The following FLRT3 variants were observed in gnomAD, a reference collection of about 807,000 sequenced individuals.
FLRT3 encodes the protein fibronectin leucine rich transmembrane protein 3, also known as leucine-rich repeat transmembrane protein FLRT3.
In FLRT3, 17 loss-of-function variants were observed where a neutral mutation model predicts 42.6. The ratio of observed to expected loss-of-function variants is 0.40; its 90% CI spans 0.27 to 0.60. The LOEUF is 0.60. Among genes scored for constraint, FLRT3 ranks in the 20% least tolerant of loss-of-function variants. FLRT3 has a pLI of 0.44. For synonymous variants in FLRT3, 279 were observed against 286.4 expected (o/e 0.97, Z 0.26); for missense variants, 635 against 789.2 (o/e 0.80, Z 2.34).
At chr20:14,332,491 T>C (rs1449309087) in intron 1 of FLRT3, among the ~76,000 whole-genome samples, 2 of 152,142 alleles carry the variant, frequency 1.3e-5, no homozygotes, top group African/African-American at 2.4e-5. Flanking sequence ...TGAAGCTGTA[T>C]AATAGTAGTG....
intron 1 of FLRT3, among the ~76,000 whole-genome samples, chr20:14,332,888 G>A (rs2082870409): frequency 6.6e-6 from 1 of 152,070 alleles, no homozygotes; most frequent in South Asian, 2.1e-4. Flanking sequence ...AGCTCAACCT[G>A]TGAATGCTAA....
rs1378618324 is a variant in FLRT3 at position 14,335,247 on chromosome 20, GTC to G, written c.-247+2155_-247+2156del. 2.6e-5 allele frequency among the ~76,000 whole-genome samples: 4 copies of G among 152,236 alleles called. No homozygotes were observed. The East Asian group carries it at 7.7e-4, about 29-fold the overall frequency. On this transcript the variant is annotated intron_variant, in intron 1 of 2. Coordinates refer to ENST00000341420, the MANE Select transcript of FLRT3 (RefSeq NM_198391.3). ...CTAGAGAGACTGAGTGTTCATTAGG[GTC>G]TTGTGTCCCTAGGCAGGAGATGCTG...
chr20:14,327,270 C>T lies in FLRT3; in HGVS notation c.237G>A (p.Leu79=), dbSNP rs1187940544. 1.2e-6 allele frequency: 2 copies of T among 1,613,752 alleles called. No homozygotes were observed. The highest frequency in any genetic ancestry group is 1.7e-6 in the Non-Finnish European group (2 of 1,179,764). The part of the protein sequence containing the change: ...QINNAGIPSD[L]KNLLKVERIY... Reference sequence around the variant, plus strand: ...TTCTTTCTACTTTCAGCAAGTTTTTCAAATCTGAAGGAATCCCAGCATTAT... The same window carrying T: ...TTCTTTCTACTTTCAGCAAGTTTTTTAAATCTGAAGGAATCCCAGCATTAT... The change falls in exon 3 of 3, where the codon TTG becomes TTA. Residue 79 remains leucine, a synonymous_variant. Coordinates refer to ENST00000341420, the MANE Select transcript of FLRT3 (RefSeq NM_198391.3).
Position 14,326,045 on chromosome 20 carries a change from A to G in FLRT3, c.1462T>C (p.Tyr488His), listed in dbSNP as rs1601480896. Residue 488 changes from tyrosine to histidine, a missense_variant, in exon 3 of 3, where the codon TAC (tyrosine) becomes CAC (histidine). By Grantham distance (83) the Tyr-to-His change is moderately conservative (BLOSUM62 2). Transcript: ENST00000341420. The surrounding 1 kb of genome is among the most constrained non-coding windows in gnomAD (Gnocchi z 5.5). ...CMVPMETSNL[Y>H]LFDETPVCIE... The stretch of plus-strand genomic sequence containing the variant: ...CAAACAGGAGTTTCATCAAATAGGT[A>G]GAGGTTGCTGGTTTCCATGGGAACC... The G allele has an allele frequency of 6.2e-7, 1 of 1,613,952 alleles. No homozygotes were observed. Among genetic ancestry groups the G allele is most frequent in the Non-Finnish European group, 8.5e-7 (1 of 1,179,890 alleles).
At chr20:14,332,949 C>G (rs929278158) in intron 1 of FLRT3, among the ~76,000 whole-genome samples, 4 of 152,032 alleles carry the variant, frequency 2.6e-5, no homozygotes, top group Non-Finnish European at 5.9e-5. Flanking sequence ...TACGGTTAAA[C>G]TGAAAAACTG....
At chr20:14,334,315 A>T (rs988934808) in intron 1 of FLRT3, among the ~76,000 whole-genome samples, 7 of 152,192 alleles carry the variant, frequency 4.6e-5, no homozygotes, top group Non-Finnish European at 2.9e-5. Flanking sequence ...TGAAATGTGT[A>T]TACCTATTTT....
intron 1 of FLRT3, among the ~76,000 whole-genome samples, chr20:14,332,755 C>T (rs1305219861): frequency 6.6e-6 from 1 of 151,962 alleles, no homozygotes; most frequent in Non-Finnish European, 1.5e-5. Flanking sequence ...CTAAAGAAAA[C>T]ACATGCCTAA....
intron 1 of FLRT3, among the ~76,000 whole-genome samples, chr20:14,331,566 A>G (rs1244555379): frequency 6.6e-6 from 1 of 151,978 alleles, no homozygotes; most frequent in Non-Finnish European, 1.5e-5. Flanking sequence ...AGAGAAGGAT[A>G]CTCTTTCGGA....
Position 14,325,398 on chromosome 20 carries a change from A to T in FLRT3, c.*159T>A. On this transcript the variant is annotated 3_prime_UTR_variant, in exon 3 of 3. Transcript: ENST00000341420. ...CAGTAACCTGAAATTTGAAACTTTT[A>T]ATAAAAAGTTCTTAAATATAAATTA... is the stretch of plus-strand genomic sequence containing the variant. 1 of 663,738 alleles carries T rather than the reference A, an allele frequency of 1.5e-6. No individual in the cohort carries two copies. The highest frequency in any genetic ancestry group is 2.3e-6 in the Non-Finnish European group (1 of 431,920). 41.1% of individuals were successfully genotyped at this position (663,738 alleles called of 1,614,324 possible). A position where few individuals can be genotyped will look rare whatever the true frequency, so the allele number is the denominator to read the frequency against.
intron 1 of FLRT3, among the ~76,000 whole-genome samples, chr20:14,334,243 A>C (rs550702964): frequency 6.6e-6 from 1 of 152,296 alleles, no homozygotes; most frequent in African/African-American, 2.4e-5. Context: ...ACTGTCTTTT[A>C]GTGTGATGTT....
At chr20:14,330,459 A>G (rs545770851) in intron 1 of FLRT3, among the ~76,000 whole-genome samples, 79 of 152,214 alleles carry the variant, frequency 5.2e-4, no homozygotes, top group South Asian at 1.7e-3. Flanking sequence ...CAACAAGTAT[A>G]GCATCTGTTC....
Position 14,323,618 on chromosome 20 carries a change from T to G in FLRT3, c.*1939A>C, listed in dbSNP as rs2122558480. On this transcript the variant is annotated 3_prime_UTR_variant, in exon 3 of 3. Transcript: ENST00000341420. ...AACCCTATAATCATGTCTTGGTCTT[T>G]TCAATGATCAGACTTTATCTTGAAG... is the stretch of plus-strand genomic sequence containing the variant. The G allele has an allele frequency of 6.6e-6, 1 of 152,296 alleles. No homozygotes were observed. Among genetic ancestry groups the G allele is most frequent in the South Asian group, 2.1e-4 (1 of 4,824 alleles). The allele number at this position is 152,296 out of a possible 1,614,324, so 9.4% of individuals were successfully genotyped here.
rs1266779543 is a variant in FLRT3, at chr20:14,323,168, G to A, written c.*2389C>T. ...CTGGAAATTGTGTCATATCCCACAG[G>A]TTGAGGGCTTATTCCCACAAAACTG... On this transcript the variant is annotated 3_prime_UTR_variant, in exon 3 of 3. Coordinates refer to ENST00000341420, the MANE Select transcript of FLRT3 (RefSeq NM_198391.3). 1 of 151,466 alleles carries A rather than the reference G, an allele frequency of 6.6e-6. No homozygotes were observed. Among genetic ancestry groups the A allele is most frequent in the African/African-American group, 2.5e-5 (1 of 40,788 alleles). The allele number at this position is 151,466 out of a possible 1,614,324, so 9.4% of individuals were successfully genotyped here. A position where few individuals can be genotyped will look rare whatever the true frequency, so the allele number is the denominator to read the frequency against.
rs1024836796 is a variant in FLRT3 at position 14,324,247 on chromosome 20, C to T, written c.*1310G>A. On this transcript the variant is annotated 3_prime_UTR_variant, in exon 3 of 3. Transcript: ENST00000341420. ...ATGTAGCGTTGGATCAAGGCACATA[C>T]AAGACTGGCCAAAGGGCGTACAATG... is the stretch of plus-strand genomic sequence containing the variant. 1 of 150,926 alleles carries T rather than the reference C, an allele frequency of 6.6e-6. No individual in the cohort carries two copies. Among genetic ancestry groups the T allele is most frequent in the African/African-American group, 2.5e-5 (1 of 40,784 alleles). The allele number at this position is 150,926 out of a possible 1,614,324, so 9.3% of individuals were successfully genotyped here.
At chr20:14,328,631 A>G (rs1032790837) in intron 2 of FLRT3, among the ~76,000 whole-genome samples, 1 of 152,066 alleles carries the variant, frequency 6.6e-6, no homozygotes, top group African/African-American at 2.4e-5. Flanking sequence ...CAATGCACAT[A>G]TATTATTTTC....
At position 14,326,235 on chromosome 20, in the gene FLRT3, A is replaced by G. The variant is rs568735001; in HGVS notation, c.1272T>C (p.His424=). 6.2e-7 allele frequency: 1 copy of G among 1,613,896 alleles called. No homozygotes were observed. The highest frequency in any genetic ancestry group is 2.2e-5 in the East Asian group (1 of 44,868). ...TVKSVTSDTI[H]ISWKLALPMT... is the part of the protein sequence containing the mutation. ...TAGGTAGAGCAAGTTTCCAAGAGAT[A>G]TGAATGGTATCAGAGGTGACAGACT... The change falls in exon 3 of 3, where the codon CAT becomes CAC. Residue 424 remains histidine (H), a synonymous_variant. Coordinates refer to ENST00000341420, the MANE Select transcript of FLRT3 (RefSeq NM_198391.3). The surrounding 1 kb of genome is among the most constrained non-coding windows in gnomAD (Gnocchi z 5.5).
At chr20:14,335,995 T>G (rs544452727) in intron 1 of FLRT3, among the ~76,000 whole-genome samples, 26 of 152,312 alleles carry the variant, frequency 1.7e-4, no homozygotes, top group African/African-American at 6.3e-4. Context: ...TGTGGCACTT[T>G]TAAAGGATTA....
intron 1 of FLRT3, among the ~76,000 whole-genome samples, chr20:14,336,330 A>G (rs1402473094): frequency 2.0e-5 from 3 of 152,122 alleles, no homozygotes; most frequent in African/African-American, 7.2e-5. Context: ...TGAAAAAAAA[A>G]TCAATTTTTT....
chr20:14,326,108 T>G lies in FLRT3; in HGVS notation c.1399A>C (p.Thr467Pro). 1.9e-6 allele frequency: 3 copies of G among 1,613,916 alleles called. No homozygotes were observed. The highest frequency in any genetic ancestry group is 2.5e-6 in the Non-Finnish European group (3 of 1,179,876). The change falls in exon 3 of 3, where the codon ACA becomes CCA. Residue 467 changes from threonine to proline, a missense_variant. Physicochemically the swap from Thr to Pro is conservative, Grantham distance 38. Coordinates refer to ENST00000341420, the MANE Select transcript of FLRT3 (RefSeq NM_198391.3). The surrounding 1 kb of genome is among the most constrained non-coding windows in gnomAD (Gnocchi z 5.5). Reference sequence around the variant, plus strand: ...TAGGGTGAATCAGGCTCCAGGGCTGTGACCAAGTACTCACTGCGTTCCCCT... The same window carrying G: ...TAGGGTGAATCAGGCTCCAGGGCTGGGACCAAGTACTCACTGCGTTCCCCT... The part of the protein sequence containing the change: ...VTGERSEYLV[T>P]ALEPDSPYKV...
Sources: allele counts gnomAD v4.1 joint callset (sites outside exome capture counted in the v4.1 genomes callset), GRCh38; gene constraint gnomAD v4.1.1; non-coding constraint Gnocchi (gnomAD v3.1); transcripts MANE v1.5; gene names NCBI Gene and HGNC (gene_info 2026-07-23, HGNC 2026-07-21).